The following LUC7L variants were observed in gnomAD, a reference collection of about 807,000 sequenced individuals.
LUC7L encodes LUC7 like, also known as putative RNA-binding protein Luc7-like 1.
A neutral mutation model predicts 51.1 loss-of-function variants in LUC7L; 29 were observed. The ratio of observed to expected loss-of-function variants is 0.57; its 90% CI spans 0.42 to 0.77. The LOEUF is 0.77. Among genes scored for constraint, LUC7L ranks in the 30% least tolerant of loss-of-function variants. The pLI is 0.00. For synonymous variants in LUC7L, 181 were observed against 180.7 expected, an observed-to-expected ratio of 1.00 and a Z score of -0.01; for missense variants, 403 against 511.9, an observed-to-expected ratio of 0.79 and a Z score of 2.05.
chr16:198,342 G>T (rs114626946), intron 6 of LUC7L, among the ~76,000 whole-genome samples: 2,409 of 133,874 alleles, frequency 0.018, 78 homozygotes, highest in African/African-American at 0.063. Flanking sequence ...AGAAGGAACA[G>T]AGGTTTTCTC....
chr16:192,268 A>G (rs2049029169), intron 7 of LUC7L, among the ~76,000 whole-genome samples: 1 of 151,992 alleles, frequency 6.6e-6, no homozygotes, highest in Admixed American at 6.6e-5. Context: ...TTTCCCACCT[A>G]GCTCCCCAAG....
chr16:220,565 T>C (rs1423285133), intron 3 of LUC7L, 84 bp downstream of exon 3: 1 of 1,029,038 alleles, frequency 9.7e-7, no homozygotes, highest in Non-Finnish European at 1.5e-6. Context: ...TTTTGCTTCA[T>C]AACTTACGTA....
At chr16:206,417 A>G (rs1204834046) in intron 4 of LUC7L, among the ~76,000 whole-genome samples, 1 of 152,190 alleles carries the variant, frequency 6.6e-6, no homozygotes, top group African/African-American at 2.4e-5. Context: ...GTCTCTCTTT[A>G]TGACTTTTTC....
chr16:190,787 G>A (rs1156743263), intron 7 of LUC7L: 24 of 548,466 alleles, frequency 4.4e-5, no homozygotes, highest in Admixed American at 3.2e-5. Flanking sequence ...GACTGAGGCA[G>A]GAAAATCACT....
intron 3 of LUC7L, among the ~76,000 whole-genome samples, chr16:214,507 T>C (rs2049732480): frequency 6.6e-6 from 1 of 152,180 alleles, no homozygotes; most frequent in Non-Finnish European, 1.5e-5. Flanking sequence ...ATAAACAATT[T>C]TGTCATAAGT....
intron 8 of LUC7L, 90 bp downstream of exon 8, chr16:190,446 CAGGTA>C: frequency 7.6e-6 from 10 of 1,320,946 alleles, no homozygotes; most frequent in Non-Finnish European, 1.1e-5. Flanking sequence ...CCCTACCTGC[CAGGTA>C]ACATTTGTAA....
Position 227,260 on chromosome 16 carries a change from A to G in LUC7L, c.138T>C (p.His46=). The G allele has an allele frequency of 1.2e-6, 2 of 1,613,080 alleles. No homozygotes were observed. The highest frequency in any genetic ancestry group is 1.7e-6 in the Non-Finnish European group (2 of 1,179,520). The part of the protein sequence containing the change: ...CKSHLLDCCP[H]DILAGTRMDL... The stretch of plus-strand genomic sequence containing the variant: ...CACCTACCGTCCCAGCCAGGATGTC[A>G]TGGGGGCAGCAGTCCAGAAGGTGAC... Residue 46 remains histidine (H), a synonymous_variant, in exon 2 of 10, where the codon CAT becomes CAC. Transcript: ENST00000293872.
chr16:201,736 GC>G (rs368677729), intron 5 of LUC7L, among the ~76,000 whole-genome samples: 3 of 129,882 alleles, frequency 2.3e-5, no homozygotes, highest in South Asian at 4.8e-4. Context: ...ACCGCACCAG[GC>G]TTTTTTTTTT....
intron 5 of LUC7L, among the ~76,000 whole-genome samples, chr16:205,646 G>A (rs557568860): frequency 1.3e-5 from 2 of 152,318 alleles, no homozygotes; most frequent in East Asian, 1.9e-4. Flanking sequence ...CTGGAGTGCA[G>A]TGGCGCAATC....
chr16:227,524 T>G, intron 1 of LUC7L, 188 bp from the exon 2 acceptor site: 1 of 1,422,222 alleles, frequency 7.0e-7, no homozygotes, highest in Non-Finnish European at 9.2e-7. Flanking sequence ...TGAGGCTAGT[T>G]ATATCATGGA....
At chr16:206,615 G>A (rs977108296) in intron 4 of LUC7L, among the ~76,000 whole-genome samples, 1 of 152,132 alleles carries the variant, frequency 6.6e-6, no homozygotes, top group Non-Finnish European at 1.5e-5. Context: ...TAGTTCCACT[G>A]AAGAGAAAAA....
chr16:201,230 A>G (rs535560081), intron 5 of LUC7L, among the ~76,000 whole-genome samples: 9 of 124,428 alleles, frequency 7.2e-5, no homozygotes, highest in Non-Finnish European at 1.3e-4. Context: ...CCATTATAGT[A>G]TGCTACATAA....
intron 7 of LUC7L, among the ~76,000 whole-genome samples, chr16:191,796 T>C (rs1260220393): frequency 6.6e-6 from 1 of 152,074 alleles, no homozygotes; most frequent in Non-Finnish European, 1.5e-5. Flanking sequence ...AGTGAGCCGA[T>C]ATCGCACCAC....
intron 7 of LUC7L, among the ~76,000 whole-genome samples, chr16:192,502 C>CTTTTTTTTTTTTTTTTTTTTT: frequency 8.0e-6 from 1 of 125,638 alleles, no homozygotes; most frequent in South Asian, 2.5e-4. Flanking sequence ...ATGCTGTTTA[C>CTTTTTTTTTTTTTTTTTTTTT]TTTTTTTTTT....
intron 3 of LUC7L, among the ~76,000 whole-genome samples, chr16:214,672 G>A (rs1194710970): frequency 6.6e-6 from 1 of 152,142 alleles, no homozygotes; most frequent in African/African-American, 2.4e-5. Context: ...GACTATAGTT[G>A]CAGGCCACCT....
At chr16:218,188 C>A (rs1486544438) in intron 3 of LUC7L, among the ~76,000 whole-genome samples, 1 of 151,000 alleles carries the variant, frequency 6.6e-6, no homozygotes, top group Non-Finnish European at 1.5e-5. Context: ...AGTGACACTC[C>A]GTCTCAAAAA....
intron 5 of LUC7L, among the ~76,000 whole-genome samples, chr16:199,498 G>C (rs963726006): frequency 6.6e-6 from 1 of 152,130 alleles, no homozygotes; most frequent in Admixed American, 6.6e-5. Context: ...CAGGCCAGGC[G>C]CGGTGGCTCA....
Position 207,479 on chromosome 16 carries a change from C to T in LUC7L, c.366+599G>A, listed in dbSNP as rs117967293. Reference sequence around the variant, plus strand: ...GCAGTCTGCCCCCACCTTGGTGTCCCAAAGTGCTGGGACTACAAGCATAAG... The same window carrying T: ...GCAGTCTGCCCCCACCTTGGTGTCCTAAAGTGCTGGGACTACAAGCATAAG... On this transcript the variant is annotated intron_variant, in intron 4 of 9. Transcript: ENST00000293872. Among the ~76,000 whole-genome samples, 491 of 152,240 alleles carry T rather than the reference C, an allele frequency of 3.2e-3. 1 individual carries two copies. Among genetic ancestry groups the T allele is most frequent in the Non-Finnish European group, 4.9e-3 (335 of 68,010 alleles).
At chr16:218,161 C>T (rs981071417) in intron 3 of LUC7L, among the ~76,000 whole-genome samples, 4 of 151,856 alleles carry the variant, frequency 2.6e-5, no homozygotes, top group African/African-American at 9.7e-5. Flanking sequence ...CCACGGCACT[C>T]CAGCCGAGGC....
Sources: gnomAD v4.1 joint callset for allele counts (sites outside exome capture counted in the v4.1 genomes callset) on GRCh38, gnomAD v4.1.1 for gene constraint, MANE v1.5 for transcripts, NCBI Gene and HGNC (gene_info 2026-07-23, HGNC 2026-07-21) for gene names.